The following ARMC3 variants were observed in gnomAD, a reference collection of about 807,000 sequenced individuals.
ARMC3 encodes the protein armadillo repeat containing 3, also known as armadillo repeat-containing protein 3.
ARMC3 carries 74 observed loss-of-function variants against 90.3 expected under a neutral mutation model. The ratio of observed to expected loss-of-function variants is 0.82; its 90% CI spans 0.68 to 0.99. ARMC3 has a LOEUF of 0.99. Among genes scored for constraint, ARMC3 ranks in the 50% least tolerant of loss-of-function variants. The probability of loss-of-function intolerance (pLI) is 0.00; values close to 1 mark genes in which losing one functional copy is unlikely to be tolerated. For synonymous variants in ARMC3, 334 were observed against 361.8 expected, an observed-to-expected ratio of 0.92 and a Z score of 0.87; for missense variants, 958 against 1,042.8, an observed-to-expected ratio of 0.92 and a Z score of 1.12.
At chr10:22,965,250 G>A (rs1399493522) in intron 7 of ARMC3, among the ~76,000 whole-genome samples, 1 of 152,118 alleles carries the variant, frequency 6.6e-6, no homozygotes. Context: ...AAATATAATG[G>A]CATAAATTCT....
At chr10:22,963,350 G>A (rs1272663913) in intron 7 of ARMC3, among the ~76,000 whole-genome samples, 1 of 152,020 alleles carries the variant, frequency 6.6e-6, no homozygotes, top group African/African-American at 2.4e-5. Flanking sequence ...ACTTGCCTAC[G>A]GTTAGAGCTA....
chr10:22,931,954 T>G (rs12360508), intron 1 of ARMC3, 42 bp from the exon 2 acceptor site: 1 of 1,532,900 alleles, frequency 6.5e-7, no homozygotes, highest in Non-Finnish European at 8.9e-7. Context: ...GAGAAATGTA[T>G]GTGCAAATGT....
intron 16 of ARMC3, among the ~76,000 whole-genome samples, chr10:23,029,834 G>A (rs939676381): frequency 6.6e-6 from 1 of 151,932 alleles, no homozygotes; most frequent in Non-Finnish European, 1.5e-5. Context: ...GTACGTCATG[G>A]AGATTACATG....
intron 16 of ARMC3, among the ~76,000 whole-genome samples, chr10:23,030,081 G>T (rs1827349792): frequency 6.6e-6 from 1 of 152,048 alleles, no homozygotes; most frequent in Admixed American, 6.6e-5. Context: ...ACCAATATAT[G>T]ATTTTCATAA....
At chr10:23,036,141 C>T (rs905212058) in intron 18 of ARMC3, among the ~76,000 whole-genome samples, 13 of 152,160 alleles carry the variant, frequency 8.5e-5, no homozygotes, top group Admixed American at 3.3e-4. Flanking sequence ...GGCTTTGACA[C>T]GGAGTGTTAC....
chr10:23,011,929 C>T (rs1005808726), intron 16 of ARMC3, among the ~76,000 whole-genome samples: 8 of 152,220 alleles, frequency 5.3e-5, no homozygotes, highest in African/African-American at 1.4e-4. Flanking sequence ...GGGAAAGACT[C>T]AGCCTTCTGC....
intron 2 of ARMC3, among the ~76,000 whole-genome samples, chr10:22,941,100 C>T (rs1469399513): frequency 6.6e-6 from 1 of 152,078 alleles, no homozygotes; most frequent in East Asian, 1.9e-4. Context: ...CAAAGGGTCC[C>T]TATGTAGTAA....
intron 8 of ARMC3, among the ~76,000 whole-genome samples, chr10:22,971,441 G>GT (rs766355258): frequency 0.026 from 3,361 of 128,518 alleles, 61 homozygotes; most frequent in African/African-American, 0.051. Context: ...TATATTTTTA[G>GT]TTTTTTTTTT....
intron 4 of ARMC3, among the ~76,000 whole-genome samples, chr10:22,958,333 C>T (rs143889626): frequency 6.6e-6 from 1 of 152,060 alleles, no homozygotes; most frequent in Non-Finnish European, 1.5e-5. Context: ...TGTAAGCAAT[C>T]AAGATGTATT....
At chr10:22,955,675 G>A (rs1481276156) in intron 3 of ARMC3, 132 bp from the exon 4 acceptor site, 2 of 1,098,362 alleles carry the variant, frequency 1.8e-6, no homozygotes, top group African/African-American at 1.6e-5. Context: ...AGTTTATTCT[G>A]AGGGAAATAC....
At chr10:23,000,518 A>G (rs960055433) in intron 11 of ARMC3, among the ~76,000 whole-genome samples, 2 of 152,190 alleles carry the variant, frequency 1.3e-5, no homozygotes, top group African/African-American at 4.8e-5. Context: ...CCCTGTGTCC[A>G]TGTCATTAAT....
chr10:23,035,083 G>A (rs947762226), intron 18 of ARMC3, among the ~76,000 whole-genome samples: 1 of 152,170 alleles, frequency 6.6e-6, no homozygotes, highest in South Asian at 2.1e-4. Context: ...CAAGATCAGA[G>A]TGCCAGCAGA....
chr10:23,018,381 C>T (rs974297058), intron 16 of ARMC3, among the ~76,000 whole-genome samples: 15 of 152,252 alleles, frequency 9.9e-5, no homozygotes, highest in Admixed American at 5.9e-4. Context: ...ACCTTCTGCC[C>T]AAAGTCATGT....
Position 22,931,932 on chromosome 10 carries a change from G to T in ARMC3, c.-1-64G>T, listed in dbSNP as rs985335506. 5.7e-6 allele frequency: 8 copies of T among 1,395,288 alleles called. No homozygotes were observed. In the African/African-American group the frequency reaches 1.0e-4, roughly 18 times the overall value. The allele number at this position is 1,395,288 out of a possible 1,614,324, so 86.4% of individuals were successfully genotyped here. On this transcript the variant is annotated intron_variant, in intron 1 of 18. Transcript: ENST00000298032. ...GGAGAAAATAAACCTCCTCTCAAGGGCACAGGTAATTGAGAAATGTATGTG... is the reference window on the plus strand; with the variant it reads ...GGAGAAAATAAACCTCCTCTCAAGGTCACAGGTAATTGAGAAATGTATGTG...
At chr10:23,008,438 G>T (rs1837741156) in intron 15 of ARMC3, 64 bp downstream of exon 15, 1 of 933,546 alleles carries the variant, frequency 1.1e-6, no homozygotes, top group Non-Finnish European at 1.6e-6. Context: ...GTGAAAAAAT[G>T]TTTTAGATTT....
rs1325266806 is a variant in ARMC3, at chr10:23,037,312, G to A, written c.2452G>A (p.Gly818Arg). The A allele has an allele frequency of 6.8e-6, 11 of 1,609,096 alleles. No homozygotes were observed. The highest frequency in any genetic ancestry group is 2.2e-5 in the South Asian group (2 of 90,380). ...RIGIGCSLVR[G>R]EYGRAWNEVM... is the part of the protein sequence containing the mutation. The stretch of plus-strand genomic sequence containing the variant: ...TGGCATTGGTTGCTCCCTAGTTCGC[G>A]GAGAGTACGGTAGAGCGTGGAATGA... Residue 818 changes from glycine to arginine, a missense_variant, in exon 19 of 19, where the codon GGA (glycine) becomes AGA (arginine). By Grantham distance (125) the Gly-to-Arg change is moderately radical (BLOSUM62 -2). Coordinates refer to ENST00000298032, the MANE Select transcript of ARMC3 (RefSeq NM_173081.5).
At chr10:22,966,674 A>T (rs7083653) in intron 7 of ARMC3, among the ~76,000 whole-genome samples, 22,577 of 152,166 alleles carry the variant, frequency 0.15, 1,916 homozygotes, top group African/African-American at 0.23. Context: ...AGAGGTTTAA[A>T]TGACTCACAG....
chr10:22,938,853 A>G (rs961999839), intron 2 of ARMC3, among the ~76,000 whole-genome samples: 1 of 152,240 alleles, frequency 6.6e-6, no homozygotes, highest in Admixed American at 6.5e-5. Context: ...ATGAATAAAA[A>G]CAATAAAAAG....
chr10:23,030,579 C>T lies in ARMC3; in HGVS notation c.2046-17C>T, dbSNP rs758089793. ...AGCAGAAGATGTGATTTTGATTGCC[C>T]TTGTTTACTTTCAAAGGAAAAGCAA... On this transcript the variant is annotated splice_polypyrimidine_tract_variant and intron_variant, in intron 16 of 18. Coordinates refer to ENST00000298032, the MANE Select transcript of ARMC3 (RefSeq NM_173081.5). 1.9e-5 allele frequency: 31 copies of T among 1,602,102 alleles called. No homozygotes were observed. Among genetic ancestry groups the T allele is most frequent in the Middle Eastern group, 3.3e-4 (2 of 6,062 alleles).
Sources: gnomAD v4.1 joint callset for allele counts (sites outside exome capture counted in the v4.1 genomes callset) on GRCh38, gnomAD v4.1.1 for gene constraint, MANE v1.5 for transcripts, NCBI Gene and HGNC (gene_info 2026-07-23, HGNC 2026-07-21) for gene names.